The following C13orf42 variants were observed in gnomAD, a reference collection of about 807,000 sequenced individuals.
C13orf42 encodes uncharacterized protein C13orf42.
intron 1 of C13orf42, among the ~76,000 whole-genome samples, chr13:51,129,153 G>C (rs564178561): frequency 6.6e-6 from 1 of 152,342 alleles, no homozygotes; most frequent in Admixed American, 6.5e-5. Context: ...AATGCCTGGA[G>C]TGTGAGCTGC....
At chr13:51,161,969 T>C in intron 1 of C13orf42, 2 of 461,032 alleles carry the variant, frequency 4.3e-6, no homozygotes, top group Non-Finnish European at 8.5e-6. Context: ...TCTGGTTACC[T>C]CCACTTGGCC....
intron 1 of C13orf42, among the ~76,000 whole-genome samples, chr13:51,100,893 G>A (rs1953283478): frequency 6.6e-6 from 1 of 152,152 alleles, no homozygotes. Context: ...ATTGTTTGTA[G>A]AAGGTGAGTT....
intron 1 of C13orf42, among the ~76,000 whole-genome samples, chr13:51,133,817 G>T (rs1665249524): frequency 6.6e-6 from 1 of 152,216 alleles, no homozygotes; most frequent in Admixed American, 6.5e-5. Context: ...AGACAGAAGA[G>T]GGGGCTCTGT....
At chr13:51,153,078 T>C (rs1953792229) in intron 1 of C13orf42, among the ~76,000 whole-genome samples, 1 of 152,212 alleles carries the variant, frequency 6.6e-6, no homozygotes, top group Admixed American at 6.5e-5. Flanking sequence ...GCAGTGGCAA[T>C]CTTAAAACTC....
At chr13:51,136,836 G>A (rs1953661555) in intron 1 of C13orf42, among the ~76,000 whole-genome samples, 1 of 152,238 alleles carries the variant, frequency 6.6e-6, no homozygotes, top group Non-Finnish European at 1.5e-5. Context: ...TCATTCATCA[G>A]CAAAGATTCA....
intron 1 of C13orf42, among the ~76,000 whole-genome samples, chr13:51,151,150 T>C (rs1408886550): frequency 6.6e-6 from 1 of 152,202 alleles, no homozygotes; most frequent in Non-Finnish European, 1.5e-5. Flanking sequence ...CATGGTAATG[T>C]TACATATGCG....
At chr13:51,104,133 G>C (rs1190464279) in intron 1 of C13orf42, among the ~76,000 whole-genome samples, 1 of 152,172 alleles carries the variant, frequency 6.6e-6, no homozygotes, top group Non-Finnish European at 1.5e-5. Context: ...TACTTTGAGA[G>C]GGTCCACGAT....
chr13:51,084,509 T>C (rs1953101095), intron 3 of C13orf42, among the ~76,000 whole-genome samples, 184 bp from the exon 4 acceptor site: 1 of 152,254 alleles, frequency 6.6e-6, no homozygotes, highest in South Asian at 2.1e-4. Context: ...GACCTTGGCC[T>C]GGCCTTGAAG....
intron 1 of C13orf42, among the ~76,000 whole-genome samples, chr13:51,160,107 T>C (rs1223391716): frequency 6.6e-6 from 1 of 152,204 alleles, no homozygotes; most frequent in Non-Finnish European, 1.5e-5. Flanking sequence ...GTGGGACTTA[T>C]GTGAGATACA....
chr13:51,148,044 A>G (rs1953752093), intron 1 of C13orf42, among the ~76,000 whole-genome samples: 1 of 152,154 alleles, frequency 6.6e-6, no homozygotes, highest in Non-Finnish European at 1.5e-5. Context: ...CTCCCCCAAC[A>G]CATGGAACCA....
rs1007891699 is a variant in C13orf42 at position 51,083,123 on chromosome 13, G to T, written c.*1028C>A. On this transcript the variant is annotated 3_prime_UTR_variant, in exon 4 of 4. Transcript: ENST00000563710. ...GCCCAAAGACCCTTATACATGCACA[G>T]ACTGGTTTACAAGAAAATGCCAAAA... 12 of 152,082 alleles carry T rather than the reference G, an allele frequency of 7.9e-5. No individual in the cohort carries two copies. Among genetic ancestry groups the T allele is most frequent in the African/African-American group, 2.7e-4 (11 of 41,372 alleles). The allele number at this position is 152,082 out of a possible 1,614,324, so 9.4% of individuals were successfully genotyped here.
At chr13:51,166,315 C>A (rs1298264567) in intron 1 of C13orf42, among the ~76,000 whole-genome samples, 1 of 151,138 alleles carries the variant, frequency 6.6e-6, no homozygotes, top group Non-Finnish European at 1.5e-5. Context: ...AATTGGAAAC[C>A]ATCATTCTCA....
At chr13:51,139,067 G>C (rs1953678324) in intron 1 of C13orf42, among the ~76,000 whole-genome samples, 2 of 152,102 alleles carry the variant, frequency 1.3e-5, no homozygotes, top group African/African-American at 4.8e-5. Flanking sequence ...CTGTAATCCT[G>C]ACACTTTGGG....
chr13:51,105,976 A>C (rs1953351070), intron 1 of C13orf42, among the ~76,000 whole-genome samples: 1 of 152,214 alleles, frequency 6.6e-6, no homozygotes, highest in African/African-American at 2.4e-5. Flanking sequence ...TTGTTGAAAA[A>C]TGATTTCAGG....
rs780845056 is a variant in C13orf42 at position 51,087,997 on chromosome 13, C to T, written c.493G>A (p.Glu165Lys). The T allele has an allele frequency of 2.5e-6, 1 of 398,746 alleles. No individual in the cohort carries two copies. The highest frequency in any genetic ancestry group is 3.6e-5 in the East Asian group (1 of 28,098). The allele number at this position is 398,746 out of a possible 1,614,324, so 24.7% of individuals were successfully genotyped here. ...AIAFFDSIIAELDTERRPRAA... is the reference protein window; with the variant it reads ...AIAFFDSIIAKLDTERRPRAA... ...CGGGGTCGTCTCTCTGTATCCAGCT[C>T]TGCAATGATGGAGTCAAAGAAGGCA... Residue 165 changes from glutamate (E) to lysine (K), a missense_variant, in exon 2 of 4, where the codon GAG (glutamate) becomes AAG (lysine). Transcript: ENST00000563710.
At chr13:51,145,902 T>C (rs998966785) in intron 1 of C13orf42, among the ~76,000 whole-genome samples, 6 of 152,234 alleles carry the variant, frequency 3.9e-5, no homozygotes, top group Non-Finnish European at 7.3e-5. Context: ...TCTGACCACC[T>C]TGGGCACATG....
intron 1 of C13orf42, among the ~76,000 whole-genome samples, chr13:51,145,803 A>G (rs577603310): frequency 1.4e-3 from 217 of 152,312 alleles, no homozygotes; most frequent in African/African-American, 4.9e-3. Context: ...GCTTCAAGTT[A>G]TCCCACCTTT....
chr13:51,112,877 G>A (rs765710531), upstream of C13orf42, among the ~76,000 whole-genome samples: 14 of 152,042 alleles, frequency 9.2e-5, no homozygotes, highest in Non-Finnish European at 1.5e-4. Context: ...TAAAGTCACC[G>A]AGTTCCCAGG....
intron 1 of C13orf42, among the ~76,000 whole-genome samples, chr13:51,167,787 A>C (rs1255395454): frequency 6.6e-6 from 1 of 152,130 alleles, no homozygotes; most frequent in Non-Finnish European, 1.5e-5. Flanking sequence ...AATCAACTCT[A>C]GCGGTTTCTG....
Sources: allele counts gnomAD v4.1 joint callset (sites outside exome capture counted in the v4.1 genomes callset), GRCh38; gene constraint gnomAD v4.1.1; transcripts MANE v1.5; gene names NCBI Gene and HGNC (gene_info 2026-07-23, HGNC 2026-07-21).